GBF1: variants seen among roughly 807,000 people sequenced by gnomAD.
The protein encoded by GBF1 is golgi brefeldin A resistant guanine nucleotide exchange factor 1.
A neutral mutation model predicts 210.5 loss-of-function variants in GBF1; 114 were observed. The observed-to-expected ratio is 0.54, with a 90% CI of 0.47 to 0.63. The LOEUF is 0.63. Among genes scored for constraint, GBF1 ranks in the 30% least tolerant of loss-of-function variants. The pLI, the probability that GBF1 is intolerant of heterozygous loss-of-function variation, is 0.00. For missense variants in GBF1, 1,851 were observed against 2,357.7 expected, an observed-to-expected ratio of 0.79 and a Z score of 4.45; for synonymous variants, 850 against 889.2, an observed-to-expected ratio of 0.96 and a Z score of 0.78.
intron 3 of GBF1, among the ~76,000 whole-genome samples, chr10:102,333,233 G>T (rs940844476): frequency 6.6e-6 from 1 of 152,198 alleles, no homozygotes; most frequent in Non-Finnish European, 1.5e-5. Flanking sequence ...ATAGGGCAGG[G>T]TCTATCTGGG....
intron 3 of GBF1, among the ~76,000 whole-genome samples, chr10:102,301,015 G>A (rs2133826838): frequency 6.7e-6 from 1 of 148,942 alleles, no homozygotes; most frequent in East Asian, 2.0e-4. Flanking sequence ...ATCATTCTTG[G>A]GTGTTTCTCG....
At chr10:102,353,533 T>C (rs1035287514) in intron 7 of GBF1, 67 bp from the exon 8 acceptor site, 7 of 1,093,262 alleles carry the variant, frequency 6.4e-6, no homozygotes, top group Admixed American at 1.7e-5. Context: ...CTTTGGTTTG[T>C]GGCTGGCATG....
chr10:102,258,629 C>G (rs2072767776), intron 1 of GBF1, among the ~76,000 whole-genome samples: 1 of 150,838 alleles, frequency 6.6e-6, no homozygotes, highest in Admixed American at 6.6e-5. Context: ...ACAAAATTAG[C>G]CAGATATGGT....
intron 7 of GBF1, 125 bp downstream of exon 7, chr10:102,352,643 T>C: frequency 1.4e-6 from 1 of 706,944 alleles, no homozygotes. Context: ...GGATTATGGA[T>C]GGGGGGTAGT....
At chr10:102,321,759 G>T in intron 3 of GBF1, among the ~76,000 whole-genome samples, 3 of 151,882 alleles carry the variant, frequency 2.0e-5, no homozygotes, top group Middle Eastern at 6.8e-3. Context: ...ACGGGGTTTC[G>T]CCATGTTGCC....
Position 102,368,278 on chromosome 10 carries a change from G to A in GBF1, c.2703G>A (p.Trp901Ter). 6.2e-7 allele frequency: 1 copy of A among 1,614,174 alleles called. No individual in the cohort carries two copies. The highest frequency in any genetic ancestry group is 8.5e-7 in the Non-Finnish European group (1 of 1,179,978). Residue 901 changes from tryptophan to a stop codon, truncating the protein, a stop_gained, in exon 22 of 40, where the codon TGG (tryptophan) becomes TGA (stop). Transcript: ENST00000369983. LOFTEE classifies it high-confidence loss of function. ...QTGLVRENYV[W>*]NVLLHRGATP... is the part of the protein sequence containing the mutation. Reference sequence around the variant, plus strand: ...GCTTGGTTCGGGAGAACTATGTGTGGAATGTGCTGCTTCATCGAGGTGCCA... The same window carrying A: ...GCTTGGTTCGGGAGAACTATGTGTGAAATGTGCTGCTTCATCGAGGTGCCA...
At chr10:102,243,015 G>C (rs1384390914), upstream of GBF1, among the ~76,000 whole-genome samples, 1 of 151,432 alleles carries the variant, frequency 6.6e-6, no homozygotes, top group East Asian at 1.9e-4. Flanking sequence ...ACTGTTCAGT[G>C]ACTCCCATTG....
Position 102,362,647 on chromosome 10 carries a change from C to T in GBF1, c.1859C>T (p.Thr620Ile). 6.2e-7 allele frequency: 1 copy of T among 1,613,658 alleles called. No homozygotes were observed. The highest frequency in any genetic ancestry group is 8.5e-7 in the Non-Finnish European group (1 of 1,179,582). Residue 620 changes from threonine (T) to isoleucine (I), a missense_variant, in exon 15 of 40, where the codon ACC becomes ATC. This residue lies in a region of GBF1 where 804 missense variants were observed against 958.6 expected (regional missense o/e 0.84). Coordinates refer to ENST00000369983, the MANE Select transcript of GBF1 (RefSeq NM_001377137.1). ...CCAAGCTGTGAGATAGTAGATGGCACCCGAGAAGCTAGCAATAGTGAGAGG... is the reference window on the plus strand; with the variant it reads ...CCAAGCTGTGAGATAGTAGATGGCATCCGAGAAGCTAGCAATAGTGAGAGG... ...ARPSCEIVDG[T>I]REASNTERTA...
intron 3 of GBF1, among the ~76,000 whole-genome samples, chr10:102,341,977 A>G (rs1360042075): frequency 6.6e-6 from 1 of 151,692 alleles, no homozygotes; most frequent in Non-Finnish European, 1.5e-5. Context: ...AACAAACCAA[A>G]TTGTACATAA....
chr10:102,248,136 G>C (rs1249515677), intron 1 of GBF1, among the ~76,000 whole-genome samples: 1 of 152,156 alleles, frequency 6.6e-6, no homozygotes, highest in Non-Finnish European at 1.5e-5. Flanking sequence ...CTATATCCCT[G>C]TGGCTCTGTG....
intron 1 of GBF1, among the ~76,000 whole-genome samples, chr10:102,249,595 G>A (rs544852579): frequency 6.6e-6 from 1 of 151,956 alleles, no homozygotes; most frequent in South Asian, 2.1e-4. Context: ...TCCTAGTTTA[G>A]TAACTTTGGT....
At chr10:102,239,464 A>C in the GBF1 span, among the ~76,000 whole-genome samples, 1 of 152,236 alleles carries the variant, frequency 6.6e-6, no homozygotes, top group Non-Finnish European at 1.5e-5. Context: ...CAAGCCCCTG[A>C]AAAGTGTATC....
At position 102,381,220 on chromosome 10, in the gene GBF1, C is replaced by T. The variant is rs201007711; in HGVS notation, c.5267C>T (p.Pro1756Leu). 4.3e-5 allele frequency: 70 copies of T among 1,613,904 alleles called. No homozygotes were observed. Among genetic ancestry groups the T allele is most frequent in the East Asian group, 2.9e-4 (13 of 44,872 alleles). Residue 1756 changes from proline (P) to leucine (L), a missense_variant, in exon 39 of 40, where the codon CCG (proline) becomes CTG (leucine). Pro to Leu is a moderately conservative substitution (Grantham distance 98). Coordinates refer to ENST00000369983, the MANE Select transcript of GBF1 (RefSeq NM_001377137.1). ...AGDTRTPGHP[P>L]PPEIPSELGA... ...GACACTAGGACACCTGGCCATCCAC[C>T]GCCCCCAGAGATTCCATCTGAGCTG...
At chr10:102,266,849 G>A (rs777821212) in intron 3 of GBF1, among the ~76,000 whole-genome samples, 1 of 152,220 alleles carries the variant, frequency 6.6e-6, no homozygotes, top group Non-Finnish European at 1.5e-5. Context: ...GGAGAAGCAC[G>A]TGCCAGGAGA....
At chr10:102,337,022 T>C (rs933936193) in intron 3 of GBF1, among the ~76,000 whole-genome samples, 4 of 152,058 alleles carry the variant, frequency 2.6e-5, no homozygotes, top group Admixed American at 2.6e-4. Flanking sequence ...ATTCTAGTAA[T>C]AAAAAAATTG....
At chr10:102,260,473 CT>C (rs879575033) in intron 3 of GBF1, among the ~76,000 whole-genome samples, 10 of 74,784 alleles carry the variant, frequency 1.3e-4, no homozygotes, top group African/African-American at 7.0e-4. Context: ...ATTTTCCTTT[CT>C]TCTTTTTTTT....
At chr10:102,321,686 C>T (rs2056411752) in intron 3 of GBF1, among the ~76,000 whole-genome samples, 2 of 152,176 alleles carry the variant, frequency 1.3e-5, no homozygotes, top group African/African-American at 4.8e-5. Context: ...ATTCCTGTCT[C>T]AGCCTCCCGA....
At chr10:102,342,038 CTT>C (rs762320060) in intron 3 of GBF1, among the ~76,000 whole-genome samples, 37 of 139,138 alleles carry the variant, frequency 2.7e-4, no homozygotes, top group East Asian at 2.1e-4. Flanking sequence ...TTTTTATGTA[CTT>C]TTTTTTTTTT....
chr10:102,322,802 T>C (rs1433245010), intron 3 of GBF1, among the ~76,000 whole-genome samples: 1 of 151,388 alleles, frequency 6.6e-6, no homozygotes, highest in Non-Finnish European at 1.5e-5. Flanking sequence ...GCTTCATTTT[T>C]AATAAGAGCC....
Sources: gnomAD v4.1 joint callset for allele counts (sites outside exome capture counted in the v4.1 genomes callset) on GRCh38, gnomAD v4.1.1 for gene constraint, gnomAD v4.1.1 regional missense constraint, MANE v1.5 for transcripts, NCBI Gene and HGNC (gene_info 2026-07-23, HGNC 2026-07-21) for gene names.